The following GRIN2A variants were observed in gnomAD, a reference collection of about 807,000 sequenced individuals.
GRIN2A encodes glutamate receptor ionotropic, NMDA 2A.
GRIN2A carries 22 observed loss-of-function variants against 113.4 expected under a neutral mutation model. That is an observed-to-expected ratio of 0.19 (90% CI 0.14 to 0.28). The LOEUF is 0.28. Among genes scored for constraint, GRIN2A ranks in the 10% least tolerant of loss-of-function variants. GRIN2A has a pLI of 1.00. For synonymous variants in GRIN2A, 827 were observed against 738.4 expected, an observed-to-expected ratio of 1.12 and a Z score of -1.94; for missense variants, 1,502 against 1,887.0, an observed-to-expected ratio of 0.80 and a Z score of 3.78.
chr16:9,963,063 C>A (rs1181414297), intron 2 of GRIN2A, among the ~76,000 whole-genome samples: 1 of 143,240 alleles, frequency 7.0e-6, no homozygotes, highest in African/African-American at 2.6e-5. Flanking sequence ...TAGGTGGGAA[C>A]TGAACAATGA....
chr16:10,133,922 C>A (rs2049129459), intron 2 of GRIN2A, among the ~76,000 whole-genome samples: 2 of 152,170 alleles, frequency 1.3e-5, no homozygotes, highest in Middle Eastern at 3.4e-3. Context: ...GTGGCTAATC[C>A]CTGTAATCCT....
At chr16:9,984,601 G>A (rs1201489295) in intron 2 of GRIN2A, among the ~76,000 whole-genome samples, 1 of 152,204 alleles carries the variant, frequency 6.6e-6, no homozygotes, top group Non-Finnish European at 1.5e-5. Context: ...CATTTCTGCT[G>A]TAGCTGTTGT....
intron 2 of GRIN2A, among the ~76,000 whole-genome samples, chr16:9,960,116 C>A (rs962658813): frequency 2.6e-5 from 4 of 152,080 alleles, no homozygotes; most frequent in African/African-American, 9.7e-5. Flanking sequence ...ATAGTAGAAC[C>A]TAGTAGTAAA....
At chr16:9,857,958 T>C (rs556957626) in intron 4 of GRIN2A, among the ~76,000 whole-genome samples, 7 of 152,364 alleles carry the variant, frequency 4.6e-5, no homozygotes, top group African/African-American at 1.4e-4. Context: ...AGCCTTATGC[T>C]GTTTTGCTTA....
At chr16:10,095,616 T>A (rs1006734513) in intron 2 of GRIN2A, among the ~76,000 whole-genome samples, 10 of 152,164 alleles carry the variant, frequency 6.6e-5, no homozygotes. Flanking sequence ...CCTAATAATA[T>A]AGGAGCTACA....
At chr16:9,817,986 C>T (rs1189431001) in intron 10 of GRIN2A, among the ~76,000 whole-genome samples, 1 of 151,514 alleles carries the variant, frequency 6.6e-6, no homozygotes, top group African/African-American at 2.4e-5. Context: ...ATGGAACCTT[C>T]TACAGATGCT....
At chr16:9,964,941 G>A (rs1489747490) in intron 2 of GRIN2A, among the ~76,000 whole-genome samples, 2 of 152,178 alleles carry the variant, frequency 1.3e-5, no homozygotes, top group African/African-American at 4.8e-5. Context: ...CTTATAGTGT[G>A]TGCTTAATAA....
chr16:10,029,799 C>G (rs2046894890), intron 2 of GRIN2A, among the ~76,000 whole-genome samples: 4 of 134,516 alleles, frequency 3.0e-5, no homozygotes, highest in Admixed American at 2.9e-4. Flanking sequence ...GAGTTCGAGA[C>G]CAGCCTGGCC....
intron 2 of GRIN2A, among the ~76,000 whole-genome samples, chr16:9,939,836 A>G (rs1014608902): frequency 1.3e-5 from 2 of 152,154 alleles, no homozygotes; most frequent in Non-Finnish European, 2.9e-5. Flanking sequence ...ACTAAACAGA[A>G]GGTATGCCTC....
intron 2 of GRIN2A, among the ~76,000 whole-genome samples, chr16:10,029,564 T>C (rs2046890591): frequency 6.6e-6 from 1 of 152,152 alleles, no homozygotes; most frequent in Admixed American, 6.5e-5. Context: ...CAGTAAAACA[T>C]AATGCAGCAA....
intron 2 of GRIN2A, among the ~76,000 whole-genome samples, chr16:9,942,486 G>A (rs1035275090): frequency 3.9e-5 from 6 of 152,180 alleles, no homozygotes; most frequent in South Asian, 2.1e-4. Context: ...GGTCTGCTGT[G>A]AGAATGGGAT....
chr16:9,995,015 T>C (rs2046196138), intron 2 of GRIN2A, among the ~76,000 whole-genome samples: 1 of 152,082 alleles, frequency 6.6e-6, no homozygotes. Flanking sequence ...ACCTGAAAAG[T>C]CCAGGGACGA....
intron 2 of GRIN2A, among the ~76,000 whole-genome samples, chr16:10,143,953 G>A (rs1281196839): frequency 6.6e-6 from 1 of 152,054 alleles, no homozygotes; most frequent in Non-Finnish European, 1.5e-5. Flanking sequence ...GCAACAGAGT[G>A]AGACTCTGTC....
intron 2 of GRIN2A, among the ~76,000 whole-genome samples, chr16:10,132,340 C>CAAAAAAAAAAAAAAAAAAAAAAAAAA (rs71402435): frequency 4.1e-4 from 25 of 61,596 alleles, no homozygotes; most frequent in African/African-American, 7.1e-4. Context: ...GACACCGTCT[C>CAAAAAAAAAAAAAAAAAAAAAAAAAA]AAAAAAAAAA....
At chr16:9,803,384 C>T (rs2041903589) in intron 10 of GRIN2A, among the ~76,000 whole-genome samples, 2 of 151,454 alleles carry the variant, frequency 1.3e-5, no homozygotes, top group South Asian at 2.1e-4. Flanking sequence ...TGCTGCACTC[C>T]AGCCTGGGCA....
intron 7 of GRIN2A, among the ~76,000 whole-genome samples, chr16:9,839,157 G>A (rs556801520): frequency 1.3e-5 from 2 of 152,294 alleles, no homozygotes; most frequent in South Asian, 2.1e-4. Flanking sequence ...ATATGGGAGT[G>A]CCAAGGGGGA....
At chr16:9,977,667 A>G (rs956393564) in intron 2 of GRIN2A, among the ~76,000 whole-genome samples, 3 of 152,100 alleles carry the variant, frequency 2.0e-5, no homozygotes, top group Admixed American at 1.3e-4. Context: ...TAACCAGTAC[A>G]TATATAAAAG....
At chr16:10,160,884 G>A (rs957268274) in intron 2 of GRIN2A, among the ~76,000 whole-genome samples, 5 of 152,284 alleles carry the variant, frequency 3.3e-5, no homozygotes, top group East Asian at 1.9e-4. Context: ...GAAGAATTTC[G>A]CAGAGGCACG....
intron 10 of GRIN2A, among the ~76,000 whole-genome samples, chr16:9,819,514 C>G (rs575473373): frequency 2.0e-5 from 3 of 149,036 alleles, no homozygotes; most frequent in Admixed American, 2.0e-4. Flanking sequence ...AGAGTGAGAC[C>G]CTGTCTGAAA....
Sources: gnomAD v4.1 joint callset for allele counts (sites outside exome capture counted in the v4.1 genomes callset) on GRCh38, gnomAD v4.1.1 for gene constraint, MANE v1.5 for transcripts, NCBI Gene and HGNC (gene_info 2026-07-23, HGNC 2026-07-21) for gene names.